The following SAMD3 variants were observed in gnomAD, a reference collection of about 807,000 sequenced individuals.
SAMD3 encodes the protein sterile alpha motif domain containing 3.
Under a neutral mutation model 58.5 loss-of-function variants are expected in SAMD3, and 63 were observed. The ratio of observed to expected loss-of-function variants is 1.08; its 90% CI spans 0.88 to 1.33. SAMD3 has a LOEUF of 1.33. SAMD3 is among the 40% of genes most tolerant of loss of function. The probability of loss-of-function intolerance (pLI) is 0.00; values close to 1 mark genes in which losing one functional copy is unlikely to be tolerated. For synonymous variants in SAMD3, 220 were observed against 210.3 expected, an observed-to-expected ratio of 1.05 and a Z score of -0.40; for missense variants, 604 against 608.4, an observed-to-expected ratio of 0.99 and a Z score of 0.08.
intron 2 of SAMD3, among the ~76,000 whole-genome samples, chr6:130,309,494 C>T (rs998505518): frequency 6.6e-6 from 1 of 152,152 alleles, no homozygotes; most frequent in African/African-American, 2.4e-5. Context: ...TTTAAGTCCA[C>T]AAAGTCAATG....
At chr6:130,244,352 T>C (rs955272689) in intron 2 of SAMD3, among the ~76,000 whole-genome samples, 4 of 152,196 alleles carry the variant, frequency 2.6e-5, no homozygotes, top group African/African-American at 9.7e-5. Context: ...AGGTCATATG[T>C]CTGGGTTTGA....
At chr6:130,160,966 T>C (rs1245170440) in intron 8 of SAMD3, 1 of 152,138 alleles carries the variant, frequency 6.6e-6, no homozygotes, top group African/African-American at 2.4e-5. Flanking sequence ...ATAAAATATG[T>C]GCTTGAAAAA....
At chr6:130,308,387 TC>T (rs1057246454) in intron 2 of SAMD3, among the ~76,000 whole-genome samples, 2 of 144,392 alleles carry the variant, frequency 1.4e-5, no homozygotes, top group African/African-American at 5.3e-5. Context: ...TCTATTCTAT[TC>T]TATTCTATTC....
intron 5 of SAMD3, among the ~76,000 whole-genome samples, chr6:130,197,757 C>T (rs1794277890): frequency 6.6e-6 from 1 of 152,118 alleles, no homozygotes; most frequent in South Asian, 2.1e-4. Flanking sequence ...CCAAAATTTT[C>T]GCTGTCCGAA....
At chr6:130,181,530 T>A (rs1344620294) in intron 7 of SAMD3, among the ~76,000 whole-genome samples, 1 of 152,206 alleles carries the variant, frequency 6.6e-6, no homozygotes, top group African/African-American at 2.4e-5. Flanking sequence ...TTAACGGTCC[T>A]TAGTGAATGT....
At chr6:130,306,394 A>G (rs976692696) in intron 2 of SAMD3, among the ~76,000 whole-genome samples, 1 of 152,204 alleles carries the variant, frequency 6.6e-6, no homozygotes, top group African/African-American at 2.4e-5. Context: ...GGGTTAGAGA[A>G]GCAAAAGAAA....
intron 9 of SAMD3, among the ~76,000 whole-genome samples, chr6:130,153,911 A>G (rs1278680456): frequency 1.3e-5 from 2 of 151,814 alleles, no homozygotes; most frequent in African/African-American, 4.8e-5. Context: ...TCCTGGGCTC[A>G]AGCAATCCAC....
chr6:130,205,220 A>G (rs1279572619), intron 5 of SAMD3, among the ~76,000 whole-genome samples: 1 of 151,690 alleles, frequency 6.6e-6, no homozygotes, highest in African/African-American at 2.4e-5. Context: ...GATGTTATTC[A>G]AACATTTATC....
At chr6:130,153,662 A>ATATATATATATATATATATATT (rs1423735345) in intron 9 of SAMD3, among the ~76,000 whole-genome samples, 1 of 131,266 alleles carries the variant, frequency 7.6e-6, no homozygotes, top group African/African-American at 2.8e-5. Context: ...ATATATATAT[A>ATATATATATATATATATATATT]TATTTATTTA....
At chr6:130,325,560 A>G (rs1399464831) in intron 1 of SAMD3, among the ~76,000 whole-genome samples, 1 of 151,988 alleles carries the variant, frequency 6.6e-6, no homozygotes, top group African/African-American at 2.4e-5. Context: ...TCCTCACAGA[A>G]AATAAGATTG....
intron 8 of SAMD3, among the ~76,000 whole-genome samples, chr6:130,173,567 G>A (rs965743667): frequency 6.6e-6 from 1 of 152,226 alleles, no homozygotes; most frequent in Non-Finnish European, 1.5e-5. Context: ...TCCCAGAGGG[G>A]CACTGGCCAG....
chr6:130,237,763 C>G (rs955366176), intron 2 of SAMD3, among the ~76,000 whole-genome samples: 1 of 152,078 alleles, frequency 6.6e-6, no homozygotes, highest in Non-Finnish European at 1.5e-5. Context: ...CTGATCTAAA[C>G]AAGGGATTGT....
chr6:130,236,055 C>T (rs1773135930), intron 2 of SAMD3, among the ~76,000 whole-genome samples: 1 of 152,166 alleles, frequency 6.6e-6, no homozygotes, highest in Non-Finnish European at 1.5e-5. Flanking sequence ...TTTAATAATA[C>T]TTTCAAGATG....
intron 1 of SAMD3, among the ~76,000 whole-genome samples, chr6:130,349,341 T>A (rs546626513): frequency 6.6e-6 from 1 of 151,582 alleles, no homozygotes; most frequent in East Asian, 1.9e-4. Context: ...GCAAGACTAA[T>A]AAAGAAGAAA....
intron 1 of SAMD3, among the ~76,000 whole-genome samples, chr6:130,329,018 G>T (rs1224500616): frequency 1.3e-5 from 2 of 151,098 alleles, no homozygotes; most frequent in African/African-American, 4.9e-5. Context: ...GGGGATCTAG[G>T]TGTAGACCAA....
intron 2 of SAMD3, among the ~76,000 whole-genome samples, chr6:130,274,346 A>G (rs1289365601): frequency 2.6e-5 from 4 of 152,184 alleles, no homozygotes; most frequent in African/African-American, 7.2e-5. Context: ...TTTGAAGTAT[A>G]ACTATAGAAT....
At chr6:130,293,418 A>C (rs1164110658) in intron 2 of SAMD3, among the ~76,000 whole-genome samples, 11 of 152,140 alleles carry the variant, frequency 7.2e-5, no homozygotes, top group Non-Finnish European at 2.9e-5. Context: ...GTAATTAAAA[A>C]ACAGGTGTTT....
At chr6:130,304,615 T>TA (rs1775854366) in intron 2 of SAMD3, among the ~76,000 whole-genome samples, 1 of 152,222 alleles carries the variant, frequency 6.6e-6, no homozygotes, top group Non-Finnish European at 1.5e-5. Context: ...TCTCTCCACT[T>TA]ACTCTTTTGC....
chr6:130,170,573 C>G (rs765408991), intron 8 of SAMD3, among the ~76,000 whole-genome samples: 4 of 152,176 alleles, frequency 2.6e-5, no homozygotes, highest in Non-Finnish European at 4.4e-5. Context: ...CTCTTCCTAT[C>G]CATGAGCATG....
Sources: gnomAD v4.1 joint callset for allele counts (sites outside exome capture counted in the v4.1 genomes callset) on GRCh38, gnomAD v4.1.1 for gene constraint, MANE v1.5 for transcripts, NCBI Gene and HGNC (gene_info 2026-07-23, HGNC 2026-07-21) for gene names.